GRIK4: variants seen among roughly 807,000 people sequenced by gnomAD.
GRIK4 encodes the protein glutamate ionotropic receptor kainate type subunit 4.
A neutral mutation model predicts 104.9 loss-of-function variants in GRIK4; 40 were observed. That is an observed-to-expected ratio of 0.38 (90% CI 0.30 to 0.50). The LOEUF is 0.50. GRIK4 is among the 20% of genes least tolerant of loss of function. GRIK4 has a pLI of 0.93. For synonymous variants in GRIK4, 485 were observed against 524.9 expected (o/e 0.92, Z 1.04); for missense variants, 1,047 against 1,308.1 (o/e 0.80, Z 3.08).
chr11:120,800,065 G>A (rs1203558879), intron 3 of GRIK4, among the ~76,000 whole-genome samples: 3 of 151,680 alleles, frequency 2.0e-5, no homozygotes, highest in Admixed American at 1.3e-4. Context: ...TATTGGTCAG[G>A]TTGGTCTCAA....
rs1046486268 is a variant in GRIK4 at position 120,582,855 on chromosome 11, T to C, written c.-158-70830T>C. 1.4e-4 allele frequency among the ~76,000 whole-genome samples: 22 copies of C among 152,210 alleles called. 1 individual carries two copies. The highest frequency in any genetic ancestry group is 2.9e-5 in the Non-Finnish European group (2 of 68,030). ...TATGTGTCTTTATGGTAGAAAAATG[T>C]ATATTTCTTTGGGTATATACCCAAT... is the stretch of plus-strand genomic sequence containing the variant. On this transcript the variant is annotated intron_variant, in intron 1 of 20. Transcript: ENST00000527524.
intron 11 of GRIK4, among the ~76,000 whole-genome samples, chr11:120,887,247 G>A (rs946928248): frequency 1.3e-5 from 2 of 152,116 alleles, no homozygotes; most frequent in African/African-American, 4.8e-5. Context: ...CACATCAGTG[G>A]CCACCTGCCT....
At chr11:120,626,715 T>A (rs1278571931) in intron 1 of GRIK4, among the ~76,000 whole-genome samples, 1 of 152,158 alleles carries the variant, frequency 6.6e-6, no homozygotes, top group Non-Finnish European at 1.5e-5. Context: ...TCTCAAGGAC[T>A]CCGCAGCTGC....
chr11:120,523,386 C>T (rs766905966), intron 1 of GRIK4, among the ~76,000 whole-genome samples: 125 of 152,064 alleles, frequency 8.2e-4, no homozygotes, highest in Non-Finnish European at 1.4e-3. Context: ...GGCTGCTGGG[C>T]TCTCTCTTGC....
intron 4 of GRIK4, among the ~76,000 whole-genome samples, chr11:120,806,001 G>A (rs191920345): frequency 5.3e-5 from 8 of 152,322 alleles, no homozygotes; most frequent in Non-Finnish European, 1.2e-4. Flanking sequence ...ACGTAGACAG[G>A]CTGTTTAACC....
At chr11:120,805,021 G>A (rs1264614100) in intron 4 of GRIK4, among the ~76,000 whole-genome samples, 2 of 152,038 alleles carry the variant, frequency 1.3e-5, no homozygotes, top group Non-Finnish European at 2.9e-5. Flanking sequence ...CATTCGGTCA[G>A]TAAGTGTTTA....
In GRIK4 at chr11:120,905,734, G is replaced by T. The variant is rs1286130418; in HGVS notation, c.1476+241G>T. On this transcript the variant is annotated intron_variant, in intron 13 of 20. Coordinates refer to ENST00000527524, the MANE Select transcript of GRIK4 (RefSeq NM_014619.5). This position sits in a 1 kb window ranked among gnomAD's most constrained non-coding sequence, Gnocchi z 5.1. ...CAGTCCAGAGCCTGTGACAAGTCATGGAGGCTCTGATTGATTAACACAGAT... is the reference window on the plus strand; with the variant it reads ...CAGTCCAGAGCCTGTGACAAGTCATTGAGGCTCTGATTGATTAACACAGAT... Among the ~76,000 whole-genome samples, 1 of 152,196 alleles carries T rather than the reference G, an allele frequency of 6.6e-6. No homozygotes were observed. Among genetic ancestry groups the T allele is most frequent in the Non-Finnish European group, 1.5e-5 (1 of 68,030 alleles).
At chr11:120,802,625 C>A in intron 3 of GRIK4, 68 bp from the exon 4 acceptor site, 3 of 1,359,388 alleles carry the variant, frequency 2.2e-6, no homozygotes, top group Non-Finnish European at 3.1e-6. Context: ...CAGGGGGAGG[C>A]TGGAGAAGGA....
At chr11:120,831,331 G>C (rs1266705602) in intron 6 of GRIK4, among the ~76,000 whole-genome samples, 1 of 152,200 alleles carries the variant, frequency 6.6e-6, no homozygotes, top group Non-Finnish European at 1.5e-5. Flanking sequence ...TCCGAGGCTC[G>C]GGCCTGAGCC....
At chr11:120,751,911 G>A (rs183799808) in intron 3 of GRIK4, among the ~76,000 whole-genome samples, 2 of 152,258 alleles carry the variant, frequency 1.3e-5, no homozygotes, top group Non-Finnish European at 2.9e-5. Context: ...TGTCGGGAGG[G>A]GATCTCAGGA....
At chr11:120,908,618 G>T (rs1942924535) in intron 13 of GRIK4, among the ~76,000 whole-genome samples, 1 of 152,122 alleles carries the variant, frequency 6.6e-6, no homozygotes, top group Non-Finnish European at 1.5e-5. Flanking sequence ...AGGCAGGCGG[G>T]GAGAGTATGC....
At chr11:120,585,667 G>A (rs1035776014) in intron 1 of GRIK4, among the ~76,000 whole-genome samples, 1 of 149,432 alleles carries the variant, frequency 6.7e-6, no homozygotes, top group Non-Finnish European at 1.5e-5. Context: ...CTCTGATCTA[G>A]TTTGAGTTAT....
At chr11:120,825,789 A>G (rs1953241608) in intron 6 of GRIK4, among the ~76,000 whole-genome samples, 1 of 152,208 alleles carries the variant, frequency 6.6e-6, no homozygotes, top group Non-Finnish European at 1.5e-5. Context: ...AGGTAATTGG[A>G]TGGGAAAGTA....
At chr11:120,573,309 A>G (rs1349306140) in intron 1 of GRIK4, among the ~76,000 whole-genome samples, 2 of 152,222 alleles carry the variant, frequency 1.3e-5, no homozygotes. Flanking sequence ...CTCCTTGAAC[A>G]TGATGCTAAA....
At chr11:120,958,304 G>A (rs1057229791) in intron 16 of GRIK4, among the ~76,000 whole-genome samples, 1 of 152,256 alleles carries the variant, frequency 6.6e-6, no homozygotes, top group East Asian at 1.9e-4. Context: ...AGGACTCAGC[G>A]CTGCTTTAAA....
intron 19 of GRIK4, among the ~76,000 whole-genome samples, chr11:120,979,972 T>C (rs1591355646): frequency 1.0e-5 from 1 of 97,518 alleles, no homozygotes; most frequent in Non-Finnish European, 2.3e-5. Context: ...GTAGCTGGGA[T>C]TAACAGGTGT....
intron 3 of GRIK4, among the ~76,000 whole-genome samples, chr11:120,677,216 A>G (rs973798956): frequency 1.6e-4 from 25 of 152,156 alleles, no homozygotes; most frequent in Admixed American, 5.9e-4. Flanking sequence ...CACTCCTAAC[A>G]TGTCAGGGCA....
At chr11:120,601,646 G>GTT (rs1199063747) in intron 1 of GRIK4, among the ~76,000 whole-genome samples, 18 of 91,184 alleles carry the variant, frequency 2.0e-4, no homozygotes, top group African/African-American at 7.0e-4. Context: ...TTGTGTGTGT[G>GTT]GTTTTTTTTT....
chr11:120,899,418 CAAAAAAAA>C (rs57401981), intron 12 of GRIK4, among the ~76,000 whole-genome samples: 1 of 71,812 alleles, frequency 1.4e-5, no homozygotes, highest in African/African-American at 5.0e-5. Context: ...GAGACTGTCT[CAAAAAAAA>C]AAAAAAAAAA....
Sources: allele counts gnomAD v4.1 joint callset (sites outside exome capture counted in the v4.1 genomes callset), GRCh38; gene constraint gnomAD v4.1.1; non-coding constraint Gnocchi (gnomAD v3.1); transcripts MANE v1.5; gene names NCBI Gene and HGNC (gene_info 2026-07-23, HGNC 2026-07-21).